Variants in TMEM185A observed in about 807,000 individuals in gnomAD.
The protein encoded by TMEM185A is transmembrane protein 185A.
In TMEM185A, 9 loss-of-function variants were observed where a neutral mutation model predicts 25.0. The observed-to-expected ratio is 0.36, with a 90% CI of 0.22 to 0.63. TMEM185A has a LOEUF of 0.63. Ranked by LOEUF, TMEM185A falls within the 20% of genes least tolerant of loss-of-function variation. The pLI, the probability that TMEM185A is intolerant of heterozygous loss-of-function variation, is 0.68. For synonymous variants in TMEM185A, 45 were observed against 93.5 expected, an observed-to-expected ratio of 0.48 and a Z score of 2.99; for missense variants, 103 against 237.4, an observed-to-expected ratio of 0.43 and a Z score of 3.72.
chrX:149,622,116 C>T (rs974874630), intron 1 of TMEM185A, among the ~76,000 whole-genome samples: 24 of 112,023 alleles, frequency 2.1e-4, no homozygotes, highest in African/African-American at 6.5e-4. Context: ...AGTCAAAAGT[C>T]GAACCAACTA....
At chrX:149,602,421 C>T (rs2090022622) in intron 4 of TMEM185A, among the ~76,000 whole-genome samples, 1 of 112,537 alleles carries the variant, frequency 8.9e-6, no homozygotes, top group South Asian at 3.7e-4. Flanking sequence ...AATTTTACTT[C>T]TCCTGACCAG....
chrX:149,603,895 G>C (rs2090030756), intron 4 of TMEM185A, 92 bp downstream of exon 4: 12 of 752,949 alleles, frequency 1.6e-5, no homozygotes, highest in Non-Finnish European at 9.7e-6. Flanking sequence ...TATTACTTCT[G>C]CTTGTCCGTC....
chrX:149,604,054 G>A lies in TMEM185A; in HGVS notation c.440C>T (p.Ser147Phe). ...DRSLELEILC[S>F]VNILQFIFIA... ...GAATATAAACTGGAGAATGTTGACAGAACACAGGATTTCTAACTAAAAATG... is the reference window on the plus strand; with the variant it reads ...GAATATAAACTGGAGAATGTTGACAAAACACAGGATTTCTAACTAAAAATG... Residue 147 changes from serine (S) to phenylalanine (F), a missense_variant, in exon 4 of 7, where the codon TCT becomes TTT. This residue lies in a region of TMEM185A where 102 missense variants were observed against 125.7 expected (regional missense o/e 0.81). Coordinates refer to ENST00000600449, the MANE Select transcript of TMEM185A (RefSeq NM_032508.4). The A allele has an allele frequency of 8.3e-7, 1 of 1,198,542 alleles. No homozygotes were observed. Among genetic ancestry groups the A allele is most frequent in the Non-Finnish European group, 1.1e-6 (1 of 885,382 alleles).
At chrX:149,611,830 C>CA (rs1465433769) in intron 1 of TMEM185A, among the ~76,000 whole-genome samples, 1 of 111,407 alleles carries the variant, frequency 9.0e-6, no homozygotes, top group African/African-American at 3.3e-5. Context: ...AGGAAGCTGC[C>CA]AGGCAGGAAA....
chrX:149,610,729 G>A (rs189971797), intron 2 of TMEM185A, among the ~76,000 whole-genome samples: 10 of 111,604 alleles, frequency 9.0e-5, no homozygotes, highest in Non-Finnish European at 1.5e-4. Context: ...AGTTGGAAAC[G>A]GTAAAGGGTA....
intron 1 of TMEM185A, among the ~76,000 whole-genome samples, chrX:149,619,675 CCA>C (rs2090130060): frequency 1.9e-5 from 2 of 106,389 alleles, no homozygotes; most frequent in Admixed American, 2.0e-4. Flanking sequence ...ACAACAGTCC[CCA>C]GAGTGTGATG....
At chrX:149,612,896 A>G (rs1197987126) in intron 1 of TMEM185A, among the ~76,000 whole-genome samples, 1 of 112,098 alleles carries the variant, frequency 8.9e-6, no homozygotes, top group Non-Finnish European at 1.9e-5. Flanking sequence ...AGGCCCCTAC[A>G]TCTCAAAGCC....
At chrX:149,621,686 T>C (rs1164590355) in intron 1 of TMEM185A, among the ~76,000 whole-genome samples, 1 of 111,861 alleles carries the variant, frequency 8.9e-6, no homozygotes, top group African/African-American at 3.2e-5. Context: ...CTGAAGGCTC[T>C]AGGAGAGAAT....
At chrX:149,627,076 C>T (rs1264184726) in intron 1 of TMEM185A, among the ~76,000 whole-genome samples, 1 of 111,631 alleles carries the variant, frequency 9.0e-6, no homozygotes, top group African/African-American at 3.3e-5. Context: ...TCCTCCTCAG[C>T]ACAGACACTT....
intron 1 of TMEM185A, among the ~76,000 whole-genome samples, chrX:149,615,165 T>C (rs1245239005): frequency 8.9e-6 from 1 of 112,460 alleles, no homozygotes; most frequent in East Asian, 2.8e-4. Context: ...GATTGCAATC[T>C]TGGATTAACA....
intron 1 of TMEM185A, among the ~76,000 whole-genome samples, chrX:149,626,845 AT>A (rs1557356082): frequency 8.9e-6 from 1 of 112,268 alleles, no homozygotes; most frequent in African/African-American, 3.2e-5. Context: ...GGCTAGATTT[AT>A]GTTTCTCTTT....
intron 1 of TMEM185A, among the ~76,000 whole-genome samples, chrX:149,627,932 G>C (rs371839649): frequency 6.6e-4 from 74 of 111,938 alleles, no homozygotes; most frequent in African/African-American, 2.4e-3. Flanking sequence ...ACCAGCAATC[G>C]CATTCCTTTT....
At chrX:149,628,911 T>G (rs1482593688) in intron 1 of TMEM185A, among the ~76,000 whole-genome samples, 3 of 111,885 alleles carry the variant, frequency 2.7e-5, no homozygotes, top group African/African-American at 9.8e-5. Flanking sequence ...GTTATTCAGT[T>G]ATTTACTCCA....
chrX:149,616,740 C>T (rs781998403), intron 1 of TMEM185A, among the ~76,000 whole-genome samples: 3 of 112,085 alleles, frequency 2.7e-5, no homozygotes, highest in Non-Finnish European at 5.6e-5. Context: ...GCAATCCCAG[C>T]GAAAATTGGG....
At chrX:149,629,366 C>T (rs781975451) in intron 1 of TMEM185A, among the ~76,000 whole-genome samples, 8 of 111,408 alleles carry the variant, frequency 7.2e-5, no homozygotes, top group African/African-American at 2.0e-4. Flanking sequence ...GTGTACACCC[C>T]TCAGTTTTCT....
chrX:149,622,430 T>G (rs1185727307), intron 1 of TMEM185A, among the ~76,000 whole-genome samples: 2 of 109,315 alleles, frequency 1.8e-5, no homozygotes, highest in East Asian at 5.7e-4. Flanking sequence ...AACACAAGAG[T>G]AGATTTAAAA....
At chrX:149,617,798 T>C (rs1303152081) in intron 1 of TMEM185A, among the ~76,000 whole-genome samples, 1 of 112,232 alleles carries the variant, frequency 8.9e-6, no homozygotes, top group Non-Finnish European at 1.9e-5. Context: ...GGTGAATGGT[T>C]AACTGAATTT....
chrX:149,618,790 C>T (rs2090124221), intron 1 of TMEM185A, among the ~76,000 whole-genome samples: 1 of 111,714 alleles, frequency 9.0e-6, no homozygotes, highest in South Asian at 3.7e-4. Context: ...CCAAAACCAA[C>T]ACAAATTTAG....
intron 3 of TMEM185A, among the ~76,000 whole-genome samples, chrX:149,604,880 A>T (rs1325350432): frequency 2.0e-5 from 2 of 100,191 alleles, no homozygotes; most frequent in Non-Finnish European, 3.9e-5. Context: ...CCTCCTGGCC[A>T]TCTAGATCCC....
Sources: gnomAD v4.1 joint callset for allele counts (sites outside exome capture counted in the v4.1 genomes callset) on GRCh38, gnomAD v4.1.1 for gene constraint, gnomAD v4.1.1 regional missense constraint, MANE v1.5 for transcripts, NCBI Gene and HGNC (gene_info 2026-07-23, HGNC 2026-07-21) for gene names.